Variants in EFCAB10 observed in about 807,000 individuals in gnomAD.
The protein encoded by EFCAB10 is EF-hand calcium-binding domain-containing protein 10.
EFCAB10 carries 7 observed loss-of-function variants against 7.7 expected under a neutral mutation model. That is an observed-to-expected ratio of 0.91 (90% CI 0.52 to 1.72). The LOEUF (loss-of-function observed/expected upper bound fraction) is 1.72. Among genes scored for constraint, EFCAB10 ranks in the 40% most tolerant of loss-of-function variants. The pLI is 0.00. For missense variants in EFCAB10, 112 were observed against 61.5 expected (o/e 1.82, Z -2.74); for synonymous variants, 52 against 21.0 (o/e 2.47, Z -4.03).
Position 105,565,173 on chromosome 7 carries a change from C to A in EFCAB10, c.*274G>T. On this transcript the variant is annotated 3_prime_UTR_variant, in exon 5 of 5. Transcript: ENST00000480514. Reference sequence around the variant, plus strand: ...TGTTAGGCTGTATATTTTTTCTTATCCAAAATGCCCTAGGACAGAACACTT... The same window carrying A: ...TGTTAGGCTGTATATTTTTTCTTATACAAAATGCCCTAGGACAGAACACTT... 2.2e-6 allele frequency: 2 copies of A among 930,044 alleles called. No individual in the cohort carries two copies. The highest frequency in any genetic ancestry group is 3.1e-6 in the Non-Finnish European group (2 of 645,962). The allele number at this position is 930,044 out of a possible 1,614,324, so 57.6% of individuals were successfully genotyped here. A position where few individuals can be genotyped will look rare whatever the true frequency, so the allele number is the denominator to read the frequency against.
At position 105,565,368 on chromosome 7, in the gene EFCAB10, C is replaced by A. The variant is rs35531972; in HGVS notation, c.*79G>T. On this transcript the variant is annotated 3_prime_UTR_variant, in exon 5 of 5. Transcript: ENST00000480514. ...GCTGCTGACGTTACGAGACCATTTACTTCAGTTGGAGCAGCAGCTTTGTTT... is the reference window on the plus strand; with the variant it reads ...GCTGCTGACGTTACGAGACCATTTAATTCAGTTGGAGCAGCAGCTTTGTTT... 21,492 of 1,614,154 alleles carry A rather than the reference C, an allele frequency of 0.013. 186 individuals are homozygous for A. Among genetic ancestry groups the A allele is most frequent in the Middle Eastern group, 0.026 (160 of 6,060 alleles).
intron 3 of EFCAB10, among the ~76,000 whole-genome samples, chr7:105,568,193 A>G (rs1393064337): frequency 6.6e-6 from 1 of 152,112 alleles, no homozygotes; most frequent in African/African-American, 2.4e-5. Context: ...GTAATTAAAC[A>G]TTTTTATTAT....
rs1305712783 is a variant in EFCAB10, at chr7:105,565,462, G to C, written c.*-15C>G. ...GATGTATACATCTACCAAGAAGTAA[G>C]TAAGAATAGACTGTTTTTGGGCTGT... On this transcript the variant is annotated splice_polypyrimidine_tract_variant and intron_variant, in intron 4 of 4. Transcript: ENST00000480514. 1 of 1,613,318 alleles carries C rather than the reference G, an allele frequency of 6.2e-7. No homozygotes were observed. Among genetic ancestry groups the C allele is most frequent in the Admixed American group, 1.7e-5 (1 of 59,984 alleles).
At chr7:105,567,677 C>A in intron 3 of EFCAB10, 187 bp from the exon 4 acceptor site, 1 of 519,032 alleles carries the variant, frequency 1.9e-6, no homozygotes, top group Non-Finnish European at 3.4e-6. Flanking sequence ...TTTAAAACTC[C>A]CTTTGAATGC....
At chr7:105,569,071 T>C in intron 3 of EFCAB10, 132 bp downstream of exon 3, 1 of 629,616 alleles carries the variant, frequency 1.6e-6, no homozygotes. Context: ...TGTCCTCACT[T>C]TCCAGTCAGC....
intron 1 of EFCAB10, chr7:105,572,031 AC>A (rs972862032): frequency 3.3e-5 from 5 of 152,158 alleles, no homozygotes; most frequent in Non-Finnish European, 5.9e-5. Context: ...TTTTCCATGA[AC>A]TTTTTGAAGT....
intron 1 of EFCAB10, among the ~76,000 whole-genome samples, chr7:105,577,495 A>T (rs1316650687): frequency 6.6e-6 from 1 of 151,998 alleles, no homozygotes; most frequent in Non-Finnish European, 1.5e-5. Flanking sequence ...CTTTCAAATT[A>T]CTCTTGATTG....
intron 1 of EFCAB10, among the ~76,000 whole-genome samples, chr7:105,570,240 A>AATATATATATATATATATATATATATAT (rs1190599721): frequency 4.0e-5 from 1 of 24,910 alleles, no homozygotes; most frequent in Non-Finnish European, 7.8e-5. Flanking sequence ...AAAAAAAAAA[A>AATATATATATATATATATATATATATAT]ATATATATAT....
intron 1 of EFCAB10, among the ~76,000 whole-genome samples, chr7:105,570,227 AAAAAAAAAAAAAAATAT>A (rs1160610718): frequency 5.0e-4 from 35 of 70,272 alleles, no homozygotes; most frequent in African/African-American, 2.4e-3. Flanking sequence ...AAAAAAAAAA[AAAAAAAAAAAAAAATAT>A]ATATATATAT....
At chr7:105,568,350 C>G (rs565607907) in intron 3 of EFCAB10, among the ~76,000 whole-genome samples, 85 of 152,272 alleles carry the variant, frequency 5.6e-4, no homozygotes, top group African/African-American at 2.0e-3. Flanking sequence ...TCCCTGGAAA[C>G]TTTCCACAAC....
At chr7:105,574,245 G>GTATATATATA (rs58936582) in intron 1 of EFCAB10, among the ~76,000 whole-genome samples, 22 of 143,744 alleles carry the variant, frequency 1.5e-4, no homozygotes, top group African/African-American at 5.6e-4. Flanking sequence ...CATATATACA[G>GTATATATATA]TATATATATA....
intron 1 of EFCAB10, chr7:105,570,969 G>A (rs1196424532): frequency 6.6e-6 from 1 of 151,834 alleles, no homozygotes; most frequent in Non-Finnish European, 1.5e-5. Context: ...ACCTTGCAGT[G>A]AGCTGAGATT....
chr7:105,581,068 A>G (rs1371931075), intron 1 of EFCAB10, among the ~76,000 whole-genome samples: 1 of 152,142 alleles, frequency 6.6e-6, no homozygotes, highest in Non-Finnish European at 1.5e-5. Flanking sequence ...AAAAATACAA[A>G]AATTAGCCAT....
At chr7:105,577,582 A>G (rs1244620123) in intron 1 of EFCAB10, among the ~76,000 whole-genome samples, 2 of 151,286 alleles carry the variant, frequency 1.3e-5, no homozygotes, top group South Asian at 2.1e-4. Context: ...TGTGTGTATT[A>G]TAACTGTTTG....
chr7:105,570,241 ATAT>A (rs1341033368), intron 1 of EFCAB10, among the ~76,000 whole-genome samples: 22 of 28,380 alleles, frequency 7.8e-4, no homozygotes, highest in South Asian at 2.4e-3. Flanking sequence ...AAAAAAAAAA[ATAT>A]ATATATATAT....
intron 1 of EFCAB10, chr7:105,571,784 C>G (rs906164378): frequency 6.6e-6 from 1 of 152,280 alleles, no homozygotes; most frequent in African/African-American, 2.4e-5. Context: ...TAGCATCCAC[C>G]TTACAGTCCT....
At chr7:105,577,590 T>C (rs1206488997) in intron 1 of EFCAB10, among the ~76,000 whole-genome samples, 1 of 152,176 alleles carries the variant, frequency 6.6e-6, no homozygotes, top group Non-Finnish European at 1.5e-5. Flanking sequence ...TTATAACTGT[T>C]TGAGATGCTC....
At chr7:105,573,807 C>T (rs1027733854) in intron 1 of EFCAB10, 2 of 152,132 alleles carry the variant, frequency 1.3e-5, no homozygotes, top group Non-Finnish European at 2.9e-5. Flanking sequence ...CAGTATGAAT[C>T]CAGGCAATGT....
chr7:105,567,043 T>C (rs1791788717), intron 4 of EFCAB10: 1 of 893,124 alleles, frequency 1.1e-6, no homozygotes, highest in South Asian at 2.4e-5. Flanking sequence ...AGAAGCTGTT[T>C]AGGATTCTCA....
Sources: gnomAD v4.1 joint callset for allele counts (sites outside exome capture counted in the v4.1 genomes callset) on GRCh38, gnomAD v4.1.1 for gene constraint, MANE v1.5 for transcripts, NCBI Gene and HGNC (gene_info 2026-07-23, HGNC 2026-07-21) for gene names.